The following CA10 variants were observed in gnomAD, a reference collection of about 807,000 sequenced individuals.
The protein encoded by CA10 is carbonic anhydrase 10 (inactive).
A neutral mutation model predicts 44.2 loss-of-function variants in CA10; 14 were observed. The ratio of observed to expected loss-of-function variants is 0.32; its 90% CI spans 0.21 to 0.50. The LOEUF (loss-of-function observed/expected upper bound fraction) is 0.50, where lower values mean the gene tolerates loss of function less well. CA10 is among the 20% of genes least tolerant of loss of function. The pLI is 0.99. For synonymous variants in CA10, 159 were observed against 141.6 expected (o/e 1.12, Z -0.87); for missense variants, 350 against 409.7 (o/e 0.85, Z 1.26).
chr17:51,895,786 T>C (rs1981043721), intron 3 of CA10, among the ~76,000 whole-genome samples: 1 of 152,118 alleles, frequency 6.6e-6, no homozygotes, highest in Non-Finnish European at 1.5e-5. Context: ...TTGTAGACAC[T>C]GCTTTATTTT....
intron 2 of CA10, among the ~76,000 whole-genome samples, chr17:52,017,144 T>C (rs79552662): frequency 0.032 from 4,851 of 152,152 alleles, 266 homozygotes; most frequent in African/African-American, 0.11. Context: ...TATTCCTTTA[T>C]AGCCATGCAA....
intron 4 of CA10, among the ~76,000 whole-genome samples, chr17:51,722,984 C>T (rs922092197): frequency 1.3e-5 from 2 of 152,200 alleles, no homozygotes; most frequent in Non-Finnish European, 2.9e-5. Context: ...TACCATCCCC[C>T]GTCCCTGCCA....
At chr17:51,741,702 G>A (rs1904468359) in intron 4 of CA10, among the ~76,000 whole-genome samples, 1 of 152,192 alleles carries the variant, frequency 6.6e-6, no homozygotes, top group South Asian at 2.1e-4. Context: ...ATGCAAAGAT[G>A]AATAGGTCTT....
chr17:51,998,689 C>A (rs1239232977), intron 2 of CA10, among the ~76,000 whole-genome samples: 3 of 151,982 alleles, frequency 2.0e-5, no homozygotes, highest in Non-Finnish European at 2.9e-5. Flanking sequence ...TGCAACACAC[C>A]ACAGGGAAAG....
chr17:51,798,713 C>CA (rs1055855980), intron 3 of CA10, among the ~76,000 whole-genome samples: 34 of 152,030 alleles, frequency 2.2e-4, no homozygotes, highest in African/African-American at 8.2e-4. Context: ...CAAAAGGCCT[C>CA]AAGGAAAAGG....
intron 3 of CA10, among the ~76,000 whole-genome samples, chr17:51,772,586 C>A (rs1567834605): frequency 6.6e-6 from 1 of 151,980 alleles, no homozygotes; most frequent in East Asian, 1.9e-4. Context: ...GGCCAGCCAC[C>A]ACAGCCACCA....
chr17:52,078,035 A>G (rs1246640002), intron 1 of CA10, among the ~76,000 whole-genome samples: 1 of 152,248 alleles, frequency 6.6e-6, no homozygotes, highest in Non-Finnish European at 1.5e-5. Flanking sequence ...CATCACACCA[A>G]CAAGTCTTTG....
intron 2 of CA10, among the ~76,000 whole-genome samples, chr17:51,940,037 CTTGA>C (rs1293356888): frequency 6.6e-6 from 1 of 151,984 alleles, no homozygotes; most frequent in African/African-American, 2.4e-5. Context: ...CTTTTTACAA[CTTGA>C]TTATTTAAAA....
In CA10 at chr17:52,121,689, C is replaced by G. The variant is rs866970416; in HGVS notation, c.61+36037G>C. On this transcript the variant is annotated intron_variant, in intron 1 of 8. Transcript: ENST00000451037. ...ACACACACACACAGATACACACACA[C>G]ACACACACACACACCAGGGCAAAAT... Among the ~76,000 whole-genome samples the G allele has an allele frequency of 1.8e-3, 279 of 152,128 alleles. 2 individuals carry two copies. The highest frequency in any genetic ancestry group is 6.2e-3 in the African/African-American group (257 of 41,490).
chr17:51,839,816 A>G (rs1978304603), intron 3 of CA10, among the ~76,000 whole-genome samples: 1 of 152,226 alleles, frequency 6.6e-6, no homozygotes, highest in Non-Finnish European at 1.5e-5. Context: ...AGGAATCCAC[A>G]TGAAAATCAA....
intron 1 of CA10, among the ~76,000 whole-genome samples, chr17:52,077,869 C>T (rs1034692896): frequency 6.6e-6 from 1 of 152,174 alleles, no homozygotes; most frequent in Admixed American, 6.5e-5. Flanking sequence ...GGCCTACAAC[C>T]CATGCTGGGT....
chr17:51,704,115 A>C (rs1299762828), intron 4 of CA10, among the ~76,000 whole-genome samples: 1 of 152,220 alleles, frequency 6.6e-6, no homozygotes, highest in Non-Finnish European at 1.5e-5. Flanking sequence ...CCATCCATGT[A>C]CTAACCCATC....
At chr17:51,701,085 T>A (rs1193040061) in intron 4 of CA10, among the ~76,000 whole-genome samples, 2 of 149,570 alleles carry the variant, frequency 1.3e-5, no homozygotes, top group African/African-American at 5.1e-5. Flanking sequence ...ACTTAAAATT[T>A]AAAAAAACAA....
In CA10 at chr17:51,893,799, C is replaced by A. The variant is rs565007871; in HGVS notation, c.279+37191G>T. 3.3e-5 allele frequency among the ~76,000 whole-genome samples: 5 copies of A among 152,242 alleles called. No individual in the cohort carries two copies. In the East Asian group the frequency reaches 5.8e-4, roughly 18 times the overall value. On this transcript the variant is annotated intron_variant, in intron 3 of 8. Transcript: ENST00000451037. ...CCAGTAAACAACATGGTTATTCAGA[C>A]AAAATCAGAGATCCTGTATTTGTGA... is the stretch of plus-strand genomic sequence containing the variant.
At chr17:52,095,268 T>G (rs746091683) in intron 1 of CA10, among the ~76,000 whole-genome samples, 5 of 152,088 alleles carry the variant, frequency 3.3e-5, no homozygotes, top group Non-Finnish European at 7.4e-5. Context: ...GCAAAACAAG[T>G]TCATAGTTAT....
intron 2 of CA10, among the ~76,000 whole-genome samples, chr17:52,021,590 T>C (rs917385963): frequency 4.0e-5 from 6 of 151,874 alleles, no homozygotes; most frequent in African/African-American, 1.4e-4. Context: ...CTGAACAAAA[T>C]AAAGATCTAT....
intron 4 of CA10, among the ~76,000 whole-genome samples, chr17:51,735,063 T>A (rs1179607725): frequency 1.3e-5 from 2 of 152,166 alleles, no homozygotes; most frequent in African/African-American, 4.8e-5. Context: ...CTTCTTAGAA[T>A]AAGGGTTTCA....
chr17:52,073,255 T>C (rs1236225351), intron 1 of CA10, among the ~76,000 whole-genome samples: 1 of 152,152 alleles, frequency 6.6e-6, no homozygotes, highest in Admixed American at 6.5e-5. Context: ...TTTTCCAGCC[T>C]TCCTCTTCAA....
At chr17:52,051,111 G>GACGAA (rs1987056458) in intron 2 of CA10, among the ~76,000 whole-genome samples, 1 of 146,998 alleles carries the variant, frequency 6.8e-6, no homozygotes, top group Non-Finnish European at 1.5e-5. Context: ...AAGGAAGGAA[G>GACGAA]AAGAAAAGAA....
Sources: allele counts gnomAD v4.1 joint callset (sites outside exome capture counted in the v4.1 genomes callset), GRCh38; gene constraint gnomAD v4.1.1; transcripts MANE v1.5; gene names NCBI Gene and HGNC (gene_info 2026-07-23, HGNC 2026-07-21).